TENM3: variants seen among roughly 807,000 people sequenced by gnomAD.
TENM3 encodes teneurin transmembrane protein 3.
A neutral mutation model predicts 255.1 loss-of-function variants in TENM3; 63 were observed. The observed-to-expected ratio is 0.25, with a 90% CI of 0.20 to 0.30. The LOEUF (loss-of-function observed/expected upper bound fraction) is 0.30, where lower values mean the gene tolerates loss of function less well. Ranked by LOEUF, TENM3 falls within the 10% of genes least tolerant of loss-of-function variation. TENM3 has a pLI of 1.00. For synonymous variants in TENM3, 1,306 were observed against 1,322.3 expected, an observed-to-expected ratio of 0.99 and a Z score of 0.27; for missense variants, 2,929 against 3,461.1, an observed-to-expected ratio of 0.85 and a Z score of 3.86.
intron 3 of TENM3, among the ~76,000 whole-genome samples, chr4:182,518,180 C>T (rs1338067933): frequency 1.3e-5 from 2 of 152,148 alleles, no homozygotes; most frequent in Admixed American, 6.5e-5. Context: ...GAATCAGGTA[C>T]ACCCTGGAAA....
intron 3 of TENM3, among the ~76,000 whole-genome samples, chr4:182,500,625 TTAAG>T (rs971013786): frequency 3.9e-4 from 14 of 36,112 alleles, no homozygotes; most frequent in African/African-American, 9.2e-4. Context: ...ATTCAGGAAT[TTAAG>T]TAAATAATTA....
intron 19 of TENM3, among the ~76,000 whole-genome samples, chr4:182,750,746 G>A (rs10016510): frequency 0.8 from 120,911 of 151,978 alleles, 48,321 homozygotes; most frequent in East Asian, 0.96. Context: ...AGGAAGAGAG[G>A]GAATGAGAAT....
rs185782940 is a variant in TENM3 at position 182,413,217 on chromosome 4, G to C, written c.511+66288G>C. 4.9e-4 allele frequency among the ~76,000 whole-genome samples: 74 copies of C among 152,058 alleles called. 1 individual carries two copies. The highest frequency in any genetic ancestry group is 1.9e-3 in the East Asian group (10 of 5,164). ...GGAAATAATGGTTAAGGATTTTTCA[G>C]AACTGATGGATAGGCAGGAAAAAAA... is the stretch of plus-strand genomic sequence containing the variant. On this transcript the variant is annotated intron_variant, in intron 3 of 27. Coordinates refer to ENST00000511685, the MANE Select transcript of TENM3 (RefSeq NM_001080477.4).
chr4:182,058,299 A>G, the TENM3 span, among the ~76,000 whole-genome samples: 1 of 152,076 alleles, frequency 6.6e-6, no homozygotes, highest in Non-Finnish European at 1.5e-5. Flanking sequence ...TAGGAGAATC[A>G]AGAGATACCA....
At chr4:182,732,552 G>A (rs372751110) in intron 16 of TENM3, among the ~76,000 whole-genome samples, 1 of 152,164 alleles carries the variant, frequency 6.6e-6, no homozygotes, top group African/African-American at 2.4e-5. Context: ...TTTGCCAGGC[G>A]GCGTGGCTCA....
chr4:181,797,687 T>A, the TENM3 span, among the ~76,000 whole-genome samples: 3 of 152,128 alleles, frequency 2.0e-5, no homozygotes, highest in African/African-American at 7.2e-5. Context: ...TTTCGACTCA[T>A]CCCCATAGGC....
the TENM3 span, among the ~76,000 whole-genome samples, chr4:181,779,524 A>T: frequency 6.6e-6 from 1 of 151,894 alleles, no homozygotes; most frequent in Non-Finnish European, 1.5e-5. Context: ...CTTAGCATAT[A>T]TTTTCAATTT....
chr4:182,090,075 G>C, the TENM3 span, among the ~76,000 whole-genome samples: 1 of 152,170 alleles, frequency 6.6e-6, no homozygotes, highest in Non-Finnish European at 1.5e-5. Context: ...TTTAGTATCT[G>C]AAATTATTTA....
At chr4:181,562,221 C>T in the TENM3 span, among the ~76,000 whole-genome samples, 3 of 151,388 alleles carry the variant, frequency 2.0e-5, no homozygotes, top group East Asian at 1.9e-4. Flanking sequence ...TTATCTATTA[C>T]GTTTTTTTTT....
chr4:182,375,836 G>A (rs1353853155), intron 3 of TENM3, among the ~76,000 whole-genome samples: 2 of 152,150 alleles, frequency 1.3e-5, no homozygotes, highest in Non-Finnish European at 1.5e-5. Flanking sequence ...GAGCCACCGC[G>A]CCCGGCTGGG....
Position 182,517,458 on chromosome 4 carries a change from G to A in TENM3, c.512-83466G>A, listed in dbSNP as rs913097898. The stretch of plus-strand genomic sequence containing the variant: ...GAGTGCAGTGGTGCGATCTCGGCTC[G>A]CTGCAAGCTCCGCCTCCCGGGTTCA... On this transcript the variant is annotated intron_variant, in intron 3 of 27. Transcript: ENST00000511685. Among the ~76,000 whole-genome samples the A allele has an allele frequency of 7.8e-4, 109 of 140,496 alleles. 1 individual carries two copies. The highest frequency in any genetic ancestry group is 4.0e-3 in the Middle Eastern group (1 of 252). 92.2% of individuals were successfully genotyped at this position (140,496 alleles called of 152,430 possible). A position where few individuals can be genotyped will look rare whatever the true frequency, so the allele number is the denominator to read the frequency against.
intron 3 of TENM3, among the ~76,000 whole-genome samples, chr4:182,366,796 A>C (rs538282750): frequency 6.6e-6 from 1 of 152,328 alleles, no homozygotes. Flanking sequence ...AAAATGTAAT[A>C]GTGGAAAAGC....
At chr4:182,363,083 G>A (rs999750040) in intron 3 of TENM3, among the ~76,000 whole-genome samples, 10 of 152,142 alleles carry the variant, frequency 6.6e-5, no homozygotes, top group African/African-American at 2.4e-4. Context: ...TGGAGGAGCA[G>A]TACATTCTTA....
At chr4:182,128,071 C>A in the TENM3 span, among the ~76,000 whole-genome samples, 1 of 151,928 alleles carries the variant, frequency 6.6e-6, no homozygotes, top group African/African-American at 2.4e-5. Context: ...TAATATAGTT[C>A]ATTGGTCCAC....
chr4:182,431,467 T>C (rs1771638983), intron 3 of TENM3, among the ~76,000 whole-genome samples: 1 of 151,868 alleles, frequency 6.6e-6, no homozygotes, highest in Non-Finnish European at 1.5e-5. Context: ...GCACTCCAGC[T>C]GGCAACAAAG....
At chr4:182,726,327 AG>A (rs1301216933) in intron 13 of TENM3, among the ~76,000 whole-genome samples, 4 of 152,178 alleles carry the variant, frequency 2.6e-5, no homozygotes, top group African/African-American at 9.7e-5. Context: ...TTAAGGAAAA[AG>A]GGAATACGTT....
chr4:182,104,503 C>CTTTTTTTTT, the TENM3 span, among the ~76,000 whole-genome samples: 2 of 66,138 alleles, frequency 3.0e-5, no homozygotes, highest in East Asian at 4.4e-4. Context: ...ACTGTTGACT[C>CTTTTTTTTT]TTTTTTTTTT....
intron 24 of TENM3, among the ~76,000 whole-genome samples, chr4:182,781,523 G>A (rs1463136947): frequency 6.6e-6 from 1 of 152,070 alleles, no homozygotes; most frequent in South Asian, 2.1e-4. Flanking sequence ...ATTCTTTTTT[G>A]TTGTGTCTCT....
At chr4:182,050,421 AAT>A in the TENM3 span, among the ~76,000 whole-genome samples, 2 of 152,250 alleles carry the variant, frequency 1.3e-5, no homozygotes, top group Non-Finnish European at 2.9e-5. Context: ...AAACACATCA[AAT>A]ACAGTGATTC....
Sources: allele counts gnomAD v4.1 joint callset (sites outside exome capture counted in the v4.1 genomes callset), GRCh38; gene constraint gnomAD v4.1.1; transcripts MANE v1.5; gene names NCBI Gene and HGNC (gene_info 2026-07-23, HGNC 2026-07-21).